OXCT1: variants seen among roughly 807,000 people sequenced by gnomAD.
The protein encoded by OXCT1 is succinyl-CoA:3-ketoacid coenzyme A transferase 1, mitochondrial.
In OXCT1, 27 loss-of-function variants were observed where a neutral mutation model predicts 69.6. The ratio of observed to expected loss-of-function variants is 0.39; its 90% confidence interval spans 0.29 to 0.54. OXCT1 has a LOEUF of 0.54. Ranked by LOEUF, OXCT1 falls within the 20% of genes least tolerant of loss-of-function variation. OXCT1 has a pLI of 0.72. For synonymous variants in OXCT1, 202 were observed against 217.8 expected (o/e 0.93, Z 0.64); for missense variants, 437 against 650.2 (o/e 0.67, Z 3.57).
intron 1 of OXCT1, among the ~76,000 whole-genome samples, chr5:41,864,569 T>TA (rs1423228518): frequency 6.6e-6 from 1 of 152,194 alleles, no homozygotes; most frequent in African/African-American, 2.4e-5. Context: ...GATCGTAAGA[T>TA]AAAGTTGAGG....
At chr5:41,748,115 A>G (rs1005002672) in intron 15 of OXCT1, among the ~76,000 whole-genome samples, 19 of 152,128 alleles carry the variant, frequency 1.2e-4, no homozygotes, top group African/African-American at 4.6e-4. Flanking sequence ...ATAAGAATAC[A>G]TTAGATTATG....
At chr5:41,740,952 C>T (rs1373010269) in intron 15 of OXCT1, among the ~76,000 whole-genome samples, 2 of 136,234 alleles carry the variant, frequency 1.5e-5, no homozygotes, top group Non-Finnish European at 3.1e-5. Context: ...GGCCTAGAAT[C>T]TTTTTTTTTT....
chr5:41,756,030 CTAA>C (rs1474926774), intron 14 of OXCT1, among the ~76,000 whole-genome samples: 1 of 152,024 alleles, frequency 6.6e-6, no homozygotes, highest in Non-Finnish European at 1.5e-5. Context: ...CTTTTTAACA[CTAA>C]TAAGCTTAAG....
chr5:41,870,315 G>A lies in OXCT1; in HGVS notation c.44C>T (p.Ala15Val), dbSNP rs745437191. The A allele has an allele frequency of 2.0e-5, 32 of 1,613,998 alleles. No individual in the cohort carries two copies. In the South Asian group the frequency reaches 3.5e-4, roughly 18 times the overall value. ...GGTTGCCCCAGATCCGCGGGCAGAG[G>A]CGCAGAGCCGAAGCCCGGAGGAGAG... ...KLLSSGLRLC[A>V]SARGSGATWY... The change falls in exon 1 of 17, where the codon GCC (alanine) becomes GTC (valine). Residue 15 changes from alanine to valine, a missense_variant. Transcript: ENST00000196371. This position sits in a 1 kb window ranked among gnomAD's most constrained non-coding sequence, Gnocchi z 4.2.
At chr5:41,793,141 A>G (rs1280000768) in intron 13 of OXCT1, among the ~76,000 whole-genome samples, 8 of 152,214 alleles carry the variant, frequency 5.3e-5, no homozygotes, top group African/African-American at 1.9e-4. Flanking sequence ...CTTCCTCAAA[A>G]AATTATTAGA....
chr5:41,742,235 G>C (rs549171220), intron 15 of OXCT1, among the ~76,000 whole-genome samples: 3 of 151,996 alleles, frequency 2.0e-5, no homozygotes, highest in Non-Finnish European at 4.4e-5. Context: ...ATTTAAAAAA[G>C]GAAACTTACT....
Position 41,733,170 on chromosome 5 carries a change from A to G in OXCT1, c.1522-1400T>C, listed in dbSNP as rs191966914. Among the ~76,000 whole-genome samples, 685 of 152,222 alleles carry G rather than the reference A, an allele frequency of 4.5e-3. 8 individuals are homozygous for G. The highest frequency in any genetic ancestry group is 0.034 in the Middle Eastern group (10 of 294). On this transcript the variant is annotated intron_variant, in intron 16 of 16. Coordinates refer to ENST00000196371, the MANE Select transcript of OXCT1 (RefSeq NM_000436.4). The stretch of plus-strand genomic sequence containing the variant: ...ACTAATAATAACATTTAGTATTTAG[A>G]TAAGTATATCTCACAGTTCATTTTC...
At chr5:41,776,512 A>G (rs1342486759) in intron 13 of OXCT1, among the ~76,000 whole-genome samples, 1 of 152,226 alleles carries the variant, frequency 6.6e-6, no homozygotes, top group Non-Finnish European at 1.5e-5. Context: ...GATTTCCCTC[A>G]GTAAGGAGCA....
chr5:41,756,433 T>C (rs1373949767), intron 14 of OXCT1, among the ~76,000 whole-genome samples: 1 of 152,098 alleles, frequency 6.6e-6, no homozygotes, highest in Non-Finnish European at 1.5e-5. Flanking sequence ...TTGGTTTTAC[T>C]TTTTATTTTA....
intron 7 of OXCT1, among the ~76,000 whole-genome samples, chr5:41,813,539 A>T (rs1383248604): frequency 6.6e-6 from 1 of 152,052 alleles, no homozygotes; most frequent in African/African-American, 2.4e-5. Context: ...TAATGGTTTG[A>T]TGTCTTTGTC....
chr5:41,828,693 C>T (rs552609713), intron 7 of OXCT1, among the ~76,000 whole-genome samples: 1 of 152,282 alleles, frequency 6.6e-6, no homozygotes, highest in African/African-American at 2.4e-5. Flanking sequence ...TACAAATTCA[C>T]ATTATTCTAA....
At position 41,731,731 on chromosome 5, in the gene OXCT1, A is replaced by G. The variant is rs771041499; in HGVS notation, c.1561T>C (p.Ter521ArgextTer20). Residue 521 changes from the stop codon to arginine (R), a stop_lost, in exon 17 of 17, where the codon TGA (stop) becomes CGA (arginine). Transcript: ENST00000196371. ...KLMPMQQIAN[*>R] ...AGCCTGGTACAAATATCCATATTTC[A>G]ATTTGCGATCTGCTGCATTGGCATG... The G allele has an allele frequency of 2.5e-6, 4 of 1,608,300 alleles. No individual in the cohort carries two copies. Among genetic ancestry groups the G allele is most frequent in the Non-Finnish European group, 1.7e-6 (2 of 1,177,152 alleles).
At position 41,801,057 on chromosome 5, in the gene OXCT1, C is replaced by T. The variant is rs1746400721; in HGVS notation, c.1064G>A (p.Arg355Gln). The change falls in exon 11 of 17, where the codon CGA (arginine) becomes CAA (glutamine). Residue 355 changes from arginine (R) to glutamine (Q), a missense_variant. Around this residue, in one of 4 missense-constraint regions of OXCT1, gnomAD observed 252 missense variants for 397.4 expected, o/e 0.63. Coordinates refer to ENST00000196371, the MANE Select transcript of OXCT1 (RefSeq NM_000436.4). Reference protein sequence around the residue: ...NGVLGLGPYPRQHEADADLIN... With the variant: ...NGVLGLGPYPQQHEADADLIN... ...GAGATCTGCATCAGCTTCATGTTGTCGTGGATATGGACCCTGTCAAATACA... is the reference window on the plus strand; with the variant it reads ...GAGATCTGCATCAGCTTCATGTTGTTGTGGATATGGACCCTGTCAAATACA... The T allele has an allele frequency of 1.2e-6, 2 of 1,611,318 alleles. No individual in the cohort carries two copies. The highest frequency in any genetic ancestry group is 1.7e-6 in the Non-Finnish European group (2 of 1,177,662).
chr5:41,739,563 A>T lies in OXCT1; in HGVS notation c.1420-72T>A, dbSNP rs896210923. ...AATTATTATATGGCACAAAACAGAA[A>T]TAACCTCGCAAGTTCGACGAGGTCG... On this transcript the variant is annotated intron_variant, in intron 15 of 16. Transcript: ENST00000196371. 7.6e-6 allele frequency: 9 copies of T among 1,187,402 alleles called. No individual in the cohort carries two copies. In the African/African-American group the frequency reaches 1.3e-4, roughly 18 times the overall value. The allele number at this position is 1,187,402 out of a possible 1,614,324, so 73.6% of individuals were successfully genotyped here. A position where few individuals can be genotyped will look rare whatever the true frequency, so the allele number is the denominator to read the frequency against.
At chr5:41,750,914 A>G (rs1561361513) in intron 14 of OXCT1, among the ~76,000 whole-genome samples, 1 of 152,152 alleles carries the variant, frequency 6.6e-6, no homozygotes, top group Non-Finnish European at 1.5e-5. Flanking sequence ...TCTTGGATAG[A>G]TTTTTAAAAA....
intron 7 of OXCT1, among the ~76,000 whole-genome samples, chr5:41,835,245 A>C (rs1231312005): frequency 6.6e-6 from 1 of 152,220 alleles, no homozygotes; most frequent in Non-Finnish European, 1.5e-5. Flanking sequence ...AAATTCCTAG[A>C]CATATATAAC....
intron 6 of OXCT1, among the ~76,000 whole-genome samples, chr5:41,840,904 T>C (rs891557557): frequency 6.6e-6 from 1 of 152,226 alleles, no homozygotes; most frequent in Non-Finnish European, 1.5e-5. Flanking sequence ...CATTAAAATA[T>C]TAAGAAAGGA....
chr5:41,815,357 C>T (rs1330452770), intron 7 of OXCT1, among the ~76,000 whole-genome samples: 1 of 152,004 alleles, frequency 6.6e-6, no homozygotes, highest in Non-Finnish European at 1.5e-5. Context: ...TTTTATTTTA[C>T]TTTTTGAGAT....
intron 16 of OXCT1, among the ~76,000 whole-genome samples, chr5:41,733,213 A>G (rs2111965499): frequency 6.6e-6 from 1 of 152,032 alleles, no homozygotes; most frequent in Non-Finnish European, 1.5e-5. Flanking sequence ...TTTTTAAACA[A>G]CAGAGCATCT....
Sources: gnomAD v4.1 joint callset for allele counts (sites outside exome capture counted in the v4.1 genomes callset) on GRCh38, gnomAD v4.1.1 for gene constraint, gnomAD v4.1.1 regional missense constraint, Gnocchi (gnomAD v3.1) non-coding constraint, MANE v1.5 for transcripts, NCBI Gene and HGNC (gene_info 2026-07-23, HGNC 2026-07-21) for gene names.